IFT122: variants seen among roughly 807,000 people sequenced by gnomAD.
IFT122 encodes the protein intraflagellar transport 122, also known as intraflagellar transport protein 122 homolog.
In IFT122, 118 loss-of-function variants were observed where a neutral mutation model predicts 161.6. The observed-to-expected ratio is 0.73, with a 90% CI of 0.63 to 0.85. IFT122 has a LOEUF of 0.85. Ranked by LOEUF, IFT122 falls within the 40% of genes least tolerant of loss-of-function variation. The pLI, the probability that IFT122 is intolerant of heterozygous loss-of-function variation, is 0.00. For synonymous variants in IFT122, 550 were observed against 602.4 expected (o/e 0.91, Z 1.27); for missense variants, 1,381 against 1,579.6 (o/e 0.87, Z 2.13).
At chr3:129,443,532 G>A (rs1426836113) in intron 1 of IFT122, among the ~76,000 whole-genome samples, 7 of 152,210 alleles carry the variant, frequency 4.6e-5, no homozygotes, top group Non-Finnish European at 8.8e-5. Context: ...TGCATGACAA[G>A]GTCTAGAGTC....
chr3:129,477,949 T>C, intron 11 of IFT122, 67 bp from the exon 12 acceptor site: 1 of 1,371,332 alleles, frequency 7.3e-7, no homozygotes, highest in South Asian at 1.2e-5. Flanking sequence ...TGATGGCTTT[T>C]AATTTCTCTG....
In IFT122 at chr3:129,485,607, C is replaced by T. The variant is rs531361187; in HGVS notation, c.1851+1925C>T. On this transcript the variant is annotated intron_variant, in intron 15 of 29. Coordinates refer to ENST00000348417, the MANE Select transcript of IFT122 (RefSeq NM_052989.3). Reference sequence around the variant, plus strand: ...CACCACATCCACCAGGAACTCATCTCCCTCAATTGCCCCAAACTAGCTCTG... The same window carrying T: ...CACCACATCCACCAGGAACTCATCTTCCTCAATTGCCCCAAACTAGCTCTG... Among the ~76,000 whole-genome samples the T allele has an allele frequency of 2.0e-5, 3 of 152,232 alleles. No individual in the cohort carries two copies. The South Asian group carries it at 6.2e-4, about 32-fold the overall frequency.
intron 8 of IFT122, among the ~76,000 whole-genome samples, chr3:129,468,685 G>A (rs1260024837): frequency 3.3e-5 from 5 of 152,222 alleles, no homozygotes; most frequent in African/African-American, 1.2e-4. Flanking sequence ...TTGCTCTCCA[G>A]CCTCAGGCAA....
intron 4 of IFT122, among the ~76,000 whole-genome samples, chr3:129,459,142 G>A (rs2075870078): frequency 6.6e-6 from 1 of 152,292 alleles, no homozygotes; most frequent in East Asian, 1.9e-4. Flanking sequence ...CAGTTTCTTT[G>A]TAAGGACTTT....
At chr3:129,487,415 G>A (rs1199659577) in intron 15 of IFT122, 2 of 152,332 alleles carry the variant, frequency 1.3e-5, no homozygotes, top group Non-Finnish European at 2.9e-5. Flanking sequence ...CGGTCTCCTG[G>A]GCTGTAGCCA....
rs960257652 is a variant in IFT122 at position 129,506,282 on chromosome 3, T to A, written c.2651-127T>A. ...AAGCGCCATCCCAGCAACGAAGCAC[T>A]GCAGATGCTCCAATGAGTGTCCTAC... On this transcript the variant is annotated intron_variant, in intron 21 of 29. Coordinates refer to ENST00000348417, the MANE Select transcript of IFT122 (RefSeq NM_052989.3). 6 of 1,059,322 alleles carry A rather than the reference T, an allele frequency of 5.7e-6. No homozygotes were observed. In the African/African-American group the frequency reaches 9.3e-5, roughly 16 times the overall value. 65.6% of individuals were successfully genotyped at this position (1,059,322 alleles called of 1,614,324 possible).
chr3:129,494,683 T>TCC (rs1162170283), intron 17 of IFT122, among the ~76,000 whole-genome samples: 70 of 106,396 alleles, frequency 6.6e-4, no homozygotes, highest in African/African-American at 2.6e-3. Context: ...CTAGCTGTGC[T>TCC]AAGTGTGTGT....
At chr3:129,519,328 C>T in intron 28 of IFT122, 142 bp downstream of exon 28, 3 of 979,648 alleles carry the variant, frequency 3.1e-6, no homozygotes, top group Non-Finnish European at 4.7e-6. Context: ...GGGGCAGGAC[C>T]CCTTCCTGTG....
At position 129,481,617 on chromosome 3, in the gene IFT122, C is replaced by T. The variant is rs149578956; in HGVS notation, c.1576C>T (p.Arg526Cys). 673 of 1,602,476 alleles carry T rather than the reference C, an allele frequency of 4.2e-4. No homozygotes were observed. Among genetic ancestry groups the T allele is most frequent in the Non-Finnish European group, 5.3e-4 (620 of 1,169,448 alleles). The change falls in exon 14 of 30, where the codon CGT (arginine) becomes TGT (cysteine). Residue 526 changes from arginine (R) to cysteine (C), a missense_variant. This residue lies in a region of IFT122 where 544 missense variants were observed against 648.0 expected (regional missense o/e 0.84). Transcript: ENST00000348417. ...AVRCLDMSAS[R>C]KKLAVVDEND... is the part of the protein sequence containing the mutation. ...GCGCTGCTTGGACATGAGTGCCTCC[C>T]GTAAGAAGCTGGCCGTGGTAGATGA... is the stretch of plus-strand genomic sequence containing the variant.
At chr3:129,442,047 C>T (rs1171274491) in intron 1 of IFT122, among the ~76,000 whole-genome samples, 3 of 152,016 alleles carry the variant, frequency 2.0e-5, no homozygotes, top group Non-Finnish European at 2.9e-5. Context: ...AGCTAGGAAT[C>T]TGGGTTTTTA....
intron 1 of IFT122, among the ~76,000 whole-genome samples, chr3:129,440,954 A>C (rs775615278): frequency 6.6e-6 from 1 of 152,172 alleles, no homozygotes; most frequent in African/African-American, 2.4e-5. Context: ...TAAACCTGAG[A>C]TCTCGTTTCT....
chr3:129,516,342 C>G (rs1224990168), intron 26 of IFT122, among the ~76,000 whole-genome samples: 1 of 133,652 alleles, frequency 7.5e-6, no homozygotes, highest in African/African-American at 2.9e-5. Context: ...GAGACTGCCC[C>G]TGCACACACA....
intron 13 of IFT122, among the ~76,000 whole-genome samples, chr3:129,480,504 T>C (rs2078516866): frequency 1.3e-5 from 2 of 152,190 alleles, no homozygotes; most frequent in Admixed American, 1.3e-4. Context: ...ACTTTGAAAG[T>C]GACAATGTAG....
chr3:129,519,989 A>T (rs1396058244), intron 29 of IFT122, among the ~76,000 whole-genome samples, 187 bp from the exon 30 acceptor site: 1 of 152,100 alleles, frequency 6.6e-6, no homozygotes, highest in Non-Finnish European at 1.5e-5. Flanking sequence ...CTTCACTCAG[A>T]AAACAAGAAA....
chr3:129,441,132 C>G lies in IFT122; in HGVS notation c.41+761C>G, dbSNP rs3138327. On this transcript the variant is annotated intron_variant, in intron 1 of 29. Transcript: ENST00000348417. ...CCATTGTTATCGCCTAAATCTATAA[C>G]ATAGCAGTCTGTTTTGTCATATTCT... 5.1e-3 allele frequency among the ~76,000 whole-genome samples: 784 copies of G among 152,352 alleles called. 6 individuals are homozygous for G. The highest frequency in any genetic ancestry group is 8.2e-3 in the Non-Finnish European group (557 of 68,028).
In IFT122 at chr3:129,464,753, A is replaced by C; in HGVS notation, c.535A>C (p.Ile179Leu). ...IERPGGSLSP[I>L]WSICWNPSSR... ...GCGGCCGGGGGGCTCCCTCTCGCCA[A>C]TATGGTCCATCTGCTGGAACCCTTC... is the stretch of plus-strand genomic sequence containing the variant. The change falls in exon 7 of 30, where the codon ATA (isoleucine) becomes CTA (leucine). Residue 179 changes from isoleucine (I) to leucine (L), a missense_variant. By Grantham distance (5) the Ile-to-Leu change is conservative. Transcript: ENST00000348417. 6.2e-7 allele frequency: 1 copy of C among 1,614,138 alleles called. No individual in the cohort carries two copies. Among genetic ancestry groups the C allele is most frequent in the Non-Finnish European group, 8.5e-7 (1 of 1,180,020 alleles).
intron 9 of IFT122, among the ~76,000 whole-genome samples, chr3:129,471,140 G>A (rs1452462813): frequency 1.3e-5 from 2 of 152,198 alleles, no homozygotes; most frequent in Non-Finnish European, 2.9e-5. Flanking sequence ...TGCAACCTGT[G>A]CAGTGAAGCC....
intron 5 of IFT122, chr3:129,463,265 A>T: frequency 2.7e-6 from 1 of 369,986 alleles, no homozygotes; most frequent in Non-Finnish European, 5.2e-6. Flanking sequence ...CGTGACACAG[A>T]ACTAAGCCAT....
At position 129,514,475 on chromosome 3, in the gene IFT122, T is replaced by C; in HGVS notation, c.3074T>C (p.Leu1025Pro). 1 of 1,614,240 alleles carries C rather than the reference T, an allele frequency of 6.2e-7. No individual in the cohort carries two copies. The highest frequency in any genetic ancestry group is 8.5e-7 in the Non-Finnish European group (1 of 1,180,036). Residue 1025 changes from leucine to proline, a missense_variant, in exon 25 of 30, where the codon CTG becomes CCG. Coordinates refer to ENST00000348417, the MANE Select transcript of IFT122 (RefSeq NM_052989.3). ...ARHAYDKLRG[L>P]YIPARFQKSI... ...CACGCCTATGACAAGCTGCGTGGCC[T>C]GTACATCCCTGCCAGATTCCAAAAG...
Sources: gnomAD v4.1 joint callset for allele counts (sites outside exome capture counted in the v4.1 genomes callset) on GRCh38, gnomAD v4.1.1 for gene constraint, gnomAD v4.1.1 regional missense constraint, MANE v1.5 for transcripts, NCBI Gene and HGNC (gene_info 2026-07-23, HGNC 2026-07-21) for gene names.